Variants in ATP5MG observed in about 807,000 individuals in gnomAD.
The protein encoded by ATP5MG is ATP synthase membrane subunit g.
A neutral mutation model predicts 12.7 loss-of-function variants in ATP5MG; 7 were observed. The ratio of observed to expected loss-of-function variants is 0.55; its 90% CI spans 0.31 to 1.04. The LOEUF (loss-of-function observed/expected upper bound fraction) is 1.04, where lower values mean the gene tolerates loss of function less well. Among genes scored for constraint, ATP5MG ranks in the 50% least tolerant of loss-of-function variants. The pLI is 0.05. For missense variants in ATP5MG, 116 were observed against 126.7 expected (o/e 0.92, Z 0.41); for synonymous variants, 53 against 48.2 (o/e 1.10, Z -0.41).
In ATP5MG at chr11:118,401,673, A is replaced by G; in HGVS notation, c.8A>G (p.Gln3Arg). The stretch of plus-strand genomic sequence containing the variant: ...ACTCTCCATTCCAGAACCATGGCCC[A>G]ATTTGTCCGTAACCTTGTGGAGAAG... MA[Q>R]FVRNLVEKTP... Residue 3 changes from glutamine to arginine, a missense_variant, in exon 1 of 3, where the codon CAA becomes CGA. Gln to Arg is a conservative substitution (Grantham distance 43, BLOSUM62 1). Coordinates refer to ENST00000300688, the MANE Select transcript of ATP5MG (RefSeq NM_006476.5). 6.2e-7 allele frequency: 1 copy of G among 1,614,016 alleles called. No individual in the cohort carries two copies.
Position 118,406,908 on chromosome 11 carries a change from TTTTTGTTTTG to T in ATP5MG, c.53-14_53-5del, listed in dbSNP as rs781889135. On this transcript the variant is annotated intron_variant, in intron 1 of 2. Transcript: ENST00000300688. ...CGGTCTCTAGTGAGTTCATCCTGGT[TTTTTGTTTTG>T]TTTTGTTTTGTTTTCCAGCTGCTGT... is the stretch of plus-strand genomic sequence containing the variant. The T allele has an allele frequency of 6.4e-7, 1 of 1,563,340 alleles. No homozygotes were observed. The highest frequency in any genetic ancestry group is 2.4e-5 in the East Asian group (1 of 41,688).
At chr11:118,408,927 TC>T (rs1948994299) in intron 2 of ATP5MG, 72 bp from the exon 3 acceptor site, 2 of 448,260 alleles carry the variant, frequency 4.5e-6, no homozygotes, top group African/African-American at 2.2e-5. Flanking sequence ...AAGAATAGTT[TC>T]AAATATATAT....
At chr11:118,402,993 C>A (rs1164722528) in intron 1 of ATP5MG, among the ~76,000 whole-genome samples, 1 of 152,136 alleles carries the variant, frequency 6.6e-6, no homozygotes, top group Non-Finnish European at 1.5e-5. Context: ...AGCCACAGCG[C>A]CAGCCGGGTA....
intron 1 of ATP5MG, chr11:118,403,948 A>G (rs1441344202): frequency 4.6e-5 from 7 of 152,088 alleles, no homozygotes; most frequent in African/African-American, 1.7e-4. Context: ...GGAATTGCAA[A>G]CTAATTTTTG....
chr11:118,402,862 G>C (rs550616564), intron 1 of ATP5MG, among the ~76,000 whole-genome samples: 2 of 151,954 alleles, frequency 1.3e-5, no homozygotes, highest in South Asian at 4.2e-4. Context: ...ACCACACCCA[G>C]CTAATTTTTG....
intron 1 of ATP5MG, among the ~76,000 whole-genome samples, chr11:118,402,758 G>A (rs1419944858): frequency 6.8e-6 from 1 of 146,178 alleles, no homozygotes; most frequent in Non-Finnish European, 1.5e-5. Flanking sequence ...CTGGAGTGCA[G>A]TGCAGATCAC....
chr11:118,404,715 T>G (rs1555131812), intron 1 of ATP5MG, among the ~76,000 whole-genome samples: 4 of 152,216 alleles, frequency 2.6e-5, no homozygotes. Flanking sequence ...AAGTTACTGT[T>G]TTTCTCTCCG....
In ATP5MG at chr11:118,407,116, A is replaced by G. The variant is rs782581744; in HGVS notation, c.213+19A>G. The G allele has an allele frequency of 6.2e-7, 1 of 1,613,666 alleles. No homozygotes were observed. Among genetic ancestry groups the G allele is most frequent in the African/African-American group, 1.3e-5 (1 of 75,048 alleles). ...AGTTAAGGTAACCACGGGCTAAATG[A>G]AAACGGATGTGCATAACAGAAAATG... On this transcript the variant is annotated intron_variant, in intron 2 of 2. Transcript: ENST00000300688.
At chr11:118,407,201 A>C in intron 2 of ATP5MG, 104 bp downstream of exon 2, 1 of 1,486,850 alleles carries the variant, frequency 6.7e-7, no homozygotes, top group Non-Finnish European at 9.0e-7. Flanking sequence ...ATGAGGCTGA[A>C]TCCAGCATAA....
At chr11:118,401,759 C>A in intron 1 of ATP5MG, 42 bp downstream of exon 1, 1 of 1,602,492 alleles carries the variant, frequency 6.2e-7, no homozygotes, top group Non-Finnish European at 8.5e-7. Flanking sequence ...ACACGGGCGG[C>A]AGGGAGGCCT....
Position 118,401,656 on chromosome 11 carries a change from T to C in ATP5MG, c.-10T>C, listed in dbSNP as rs782470181. 1 of 1,614,136 alleles carries C rather than the reference T, an allele frequency of 6.2e-7. No individual in the cohort carries two copies. Among genetic ancestry groups the C allele is most frequent in the Non-Finnish European group, 8.5e-7 (1 of 1,180,004 alleles). On this transcript the variant is annotated 5_prime_UTR_variant, in exon 1 of 3. Coordinates refer to ENST00000300688, the MANE Select transcript of ATP5MG (RefSeq NM_006476.5). The stretch of plus-strand genomic sequence containing the variant: ...GCGGTTCGGGGCGACGGACTCTCCA[T>C]TCCAGAACCATGGCCCAATTTGTCC...
intron 1 of ATP5MG, among the ~76,000 whole-genome samples, chr11:118,404,819 T>G (rs1948958576): frequency 6.6e-6 from 1 of 152,242 alleles, no homozygotes; most frequent in African/African-American, 2.4e-5. Context: ...GGAGGGAATA[T>G]CTACATAAAT....
intron 2 of ATP5MG, chr11:118,407,344 AT>A (rs1948981749): frequency 2.0e-6 from 1 of 494,916 alleles, no homozygotes. Context: ...GACCATTTTT[AT>A]TGGGAAATTT....
At chr11:118,408,223 C>T (rs1034037973) in intron 2 of ATP5MG, among the ~76,000 whole-genome samples, 6 of 152,122 alleles carry the variant, frequency 3.9e-5, no homozygotes, top group African/African-American at 1.4e-4. Context: ...GATCCAAGCA[C>T]AGAGTACAAA....
chr11:118,409,115 T>C lies in ATP5MG; in HGVS notation c.*17T>C. ...GATGTTTGAAGACCAATCTTTAACA[T>C]CTGATTATATTTGATTTATTATTTG... On this transcript the variant is annotated 3_prime_UTR_variant, in exon 3 of 3. Transcript: ENST00000300688. 1 of 1,535,212 alleles carries C rather than the reference T, an allele frequency of 6.5e-7. No homozygotes were observed. Among genetic ancestry groups the C allele is most frequent in the Non-Finnish European group, 8.9e-7 (1 of 1,122,358 alleles).
rs1377802389 is a variant in ATP5MG at position 118,409,634 on chromosome 11, G to A, written c.*536G>A. 2.0e-5 allele frequency: 3 copies of A among 152,138 alleles called. No homozygotes were observed. The highest frequency in any genetic ancestry group is 4.4e-5 in the Non-Finnish European group (3 of 68,026). 9.4% of individuals were successfully genotyped at this position (152,138 alleles called of 1,614,324 possible). On this transcript the variant is annotated 3_prime_UTR_variant, in exon 3 of 3. Transcript: ENST00000300688. ...TAGCCTCCCCAAGAGAGAACAGGGTGGTATTCTAAGTATGTTTCTTTGTAA... is the reference window on the plus strand; with the variant it reads ...TAGCCTCCCCAAGAGAGAACAGGGTAGTATTCTAAGTATGTTTCTTTGTAA...
At position 118,401,736 on chromosome 11, in the gene ATP5MG, C is replaced by T. The variant is rs1376661955; in HGVS notation, c.52+19C>T. 3 of 1,607,610 alleles carry T rather than the reference C, an allele frequency of 1.9e-6. No individual in the cohort carries two copies. In the African/African-American group the frequency reaches 4.0e-5, roughly 22 times the overall value. On this transcript the variant is annotated intron_variant, in intron 1 of 2. Transcript: ENST00000300688. ...GTGAACGGTGAGCGCGATGTGAGACCGCCGAGGCGGGCACACGGGCGGCAG... is the reference window on the plus strand; with the variant it reads ...GTGAACGGTGAGCGCGATGTGAGACTGCCGAGGCGGGCACACGGGCGGCAG...
chr11:118,401,768 C>T (rs1189267963), intron 1 of ATP5MG, 51 bp downstream of exon 1: 2 of 1,593,578 alleles, frequency 1.3e-6, no homozygotes, highest in Non-Finnish European at 8.6e-7. Context: ...GCAGGGAGGC[C>T]TGCGATGGCC....
intron 2 of ATP5MG, chr11:118,407,354 T>G: frequency 2.2e-6 from 1 of 449,986 alleles, no homozygotes; most frequent in East Asian, 4.9e-5. Flanking sequence ...ATTGGGAAAT[T>G]TTTTTTCCTT....
Sources: gnomAD v4.1 joint callset for allele counts (sites outside exome capture counted in the v4.1 genomes callset) on GRCh38, gnomAD v4.1.1 for gene constraint, MANE v1.5 for transcripts, NCBI Gene and HGNC (gene_info 2026-07-23, HGNC 2026-07-21) for gene names.